RANGAP1: variants seen among roughly 807,000 people sequenced by gnomAD.
RANGAP1 encodes the protein Ran GTPase activating protein 1.
In RANGAP1, 38 loss-of-function variants were observed where a neutral mutation model predicts 63.5. That is an observed-to-expected ratio of 0.60 (90% confidence interval 0.46 to 0.78). The LOEUF (loss-of-function observed/expected upper bound fraction) is 0.78. Ranked by LOEUF, RANGAP1 falls within the 30% of genes least tolerant of loss-of-function variation. The probability of loss-of-function intolerance (pLI) is 0.00; values close to 1 mark genes in which losing one functional copy is unlikely to be tolerated. For missense variants in RANGAP1, 630 were observed against 740.3 expected, an observed-to-expected ratio of 0.85 and a Z score of 1.73; for synonymous variants, 329 against 310.5, an observed-to-expected ratio of 1.06 and a Z score of -0.63.
At chr22:41,283,644 G>A (rs1039442903) in intron 1 of RANGAP1, among the ~76,000 whole-genome samples, 2 of 152,148 alleles carry the variant, frequency 1.3e-5, no homozygotes, top group African/African-American at 4.8e-5. Flanking sequence ...TCCTGCAAAG[G>A]GAATAGCAAA....
At chr22:41,286,554 A>G (rs2035757371), upstream of RANGAP1, among the ~76,000 whole-genome samples, 1 of 152,244 alleles carries the variant, frequency 6.6e-6, no homozygotes, top group African/African-American at 2.4e-5. Flanking sequence ...TTTGTTGATA[A>G]CAGGTACTGC....
chr22:41,280,684 T>TC (rs2035445430), intron 2 of RANGAP1: 1 of 1,438,422 alleles, frequency 7.0e-7, no homozygotes, highest in African/African-American at 1.4e-5. Flanking sequence ...TTACCTATCA[T>TC]CCCCTCCTGA....
At chr22:41,262,991 C>T (rs367725967) in intron 5 of RANGAP1, among the ~76,000 whole-genome samples, 3 of 152,200 alleles carry the variant, frequency 2.0e-5, no homozygotes, top group Admixed American at 6.6e-5. Flanking sequence ...CAGACCATGG[C>T]GTCTGAGCTC....
chr22:41,268,483 G>A (rs551453709), intron 3 of RANGAP1, among the ~76,000 whole-genome samples: 5 of 152,102 alleles, frequency 3.3e-5, no homozygotes, highest in East Asian at 2.0e-4. Flanking sequence ...TTGAACTCCC[G>A]ACCTCAGGTG....
chr22:41,270,748 C>T (rs2034760037), intron 3 of RANGAP1, among the ~76,000 whole-genome samples: 1 of 152,158 alleles, frequency 6.6e-6, no homozygotes, highest in African/African-American at 2.4e-5. Context: ...GCATATCCAC[C>T]AATAAAGCAG....
intron 1 of RANGAP1, chr22:41,285,185 A>C (rs958503875): frequency 6.6e-6 from 1 of 152,170 alleles, no homozygotes; most frequent in Non-Finnish European, 1.5e-5. Context: ...AAGAAAAACC[A>C]ACAAAAAAAT....
intron 2 of RANGAP1, among the ~76,000 whole-genome samples, chr22:41,277,141 G>GA (rs1222190718): frequency 4.9e-5 from 7 of 142,060 alleles, no homozygotes; most frequent in African/African-American, 1.8e-4. Flanking sequence ...GCAGTGGCGG[G>GA]ATCTCGGCTC....
chr22:41,280,901 G>A, intron 2 of RANGAP1, 32 bp downstream of exon 2: 7 of 1,613,114 alleles, frequency 4.3e-6, no homozygotes, highest in Non-Finnish European at 5.1e-6. Flanking sequence ...TCCTCCCCTG[G>A]ACACACCAGT....
chr22:41,294,175 C>A, the RANGAP1 span, among the ~76,000 whole-genome samples: 1 of 152,240 alleles, frequency 6.6e-6, no homozygotes, highest in African/African-American at 2.4e-5. Context: ...CCTCAGCCTG[C>A]CGAGTGCCTG....
chr22:41,283,600 G>A (rs1199176841), intron 1 of RANGAP1, among the ~76,000 whole-genome samples: 1 of 152,128 alleles, frequency 6.6e-6, no homozygotes, highest in East Asian at 1.9e-4. Context: ...AGATATCAGG[G>A]ATTGGGCCAT....
chr22:41,246,584 G>T lies in RANGAP1; in HGVS notation c.*19C>A. On this transcript the variant is annotated 3_prime_UTR_variant, in exon 16 of 16. Coordinates refer to ENST00000356244, the MANE Select transcript of RANGAP1 (RefSeq NM_002883.4). ...CCCAGCTCACTGGTCCAGGCCAAGGGATGGGAGAGGCTTTGAGTCTAGACC... is the reference window on the plus strand; with the variant it reads ...CCCAGCTCACTGGTCCAGGCCAAGGTATGGGAGAGGCTTTGAGTCTAGACC... 6.5e-7 allele frequency: 1 copy of T among 1,537,510 alleles called. No homozygotes were observed. Among genetic ancestry groups the T allele is most frequent in the South Asian group, 1.2e-5 (1 of 84,352 alleles).
At chr22:41,283,970 C>T (rs933310641) in intron 1 of RANGAP1, among the ~76,000 whole-genome samples, 1 of 152,314 alleles carries the variant, frequency 6.6e-6, no homozygotes, top group South Asian at 2.1e-4. Flanking sequence ...AGGCCAGGGC[C>T]GGGCGCAAAG....
At chr22:41,250,892 G>A (rs943357410) in intron 13 of RANGAP1, 115 bp downstream of exon 13, 2 of 809,244 alleles carry the variant, frequency 2.5e-6, no homozygotes, top group African/African-American at 3.4e-5. Flanking sequence ...GGTGGCCAAA[G>A]AGCAGTTCCC....
intron 6 of RANGAP1, among the ~76,000 whole-genome samples, chr22:41,260,801 G>A (rs752369824): frequency 2.8e-4 from 43 of 152,202 alleles, no homozygotes; most frequent in Admixed American, 1.0e-3. Flanking sequence ...CCAAGATCAC[G>A]CACTGCACTC....
chr22:41,272,820 T>C (rs1447008489), intron 3 of RANGAP1, among the ~76,000 whole-genome samples: 1 of 151,964 alleles, frequency 6.6e-6, no homozygotes, highest in Non-Finnish European at 1.5e-5. Flanking sequence ...GGCTTTTTTT[T>C]TTCTTTTTTT....
chr22:41,258,655 CT>C (rs893614369), intron 6 of RANGAP1, among the ~76,000 whole-genome samples: 16 of 151,682 alleles, frequency 1.1e-4, no homozygotes, highest in African/African-American at 3.9e-4. Context: ...TTTCTTTTTT[CT>C]TTTTTTTTCC....
intron 2 of RANGAP1, among the ~76,000 whole-genome samples, chr22:41,275,235 G>C (rs1418347707): frequency 6.6e-6 from 1 of 152,248 alleles, no homozygotes; most frequent in Non-Finnish European, 1.5e-5. Flanking sequence ...GCTCACGCCT[G>C]TAATCCCAGT....
chr22:41,253,071 A>T (rs1328538538), intron 11 of RANGAP1, 80 bp from the exon 12 acceptor site: 1 of 1,306,582 alleles, frequency 7.7e-7, no homozygotes, highest in Non-Finnish European at 9.9e-7. Context: ...CCCCACACCC[A>T]GCACATCCAC....
At chr22:41,251,589 G>A (rs749326887) in intron 12 of RANGAP1, among the ~76,000 whole-genome samples, 2 of 148,684 alleles carry the variant, frequency 1.3e-5, no homozygotes, top group Non-Finnish European at 3.0e-5. Context: ...TTGCACCACT[G>A]CACTCCAGCC....
Sources: gnomAD v4.1 joint callset for allele counts (sites outside exome capture counted in the v4.1 genomes callset) on GRCh38, gnomAD v4.1.1 for gene constraint, MANE v1.5 for transcripts, NCBI Gene and HGNC (gene_info 2026-07-23, HGNC 2026-07-21) for gene names.